Variants in TRAPPC9 observed in about 807,000 individuals in gnomAD.
The protein encoded by TRAPPC9 is trafficking protein particle complex subunit 9, also known as IKK2 binding protein.
In TRAPPC9, 83 loss-of-function variants were observed where a neutral mutation model predicts 124.0. The observed-to-expected ratio is 0.67, with a 90% CI of 0.56 to 0.80. The LOEUF (loss-of-function observed/expected upper bound fraction) is 0.80. Ranked by LOEUF, TRAPPC9 falls within the 30% of genes least tolerant of loss-of-function variation. The pLI, the probability that TRAPPC9 is intolerant of heterozygous loss-of-function variation, is 0.00. For synonymous variants in TRAPPC9, 638 were observed against 617.5 expected (o/e 1.03, Z -0.49); for missense variants, 1,302 against 1,508.3 (o/e 0.86, Z 2.27).
chr8:140,334,695 C>G (rs943113522), intron 9 of TRAPPC9, among the ~76,000 whole-genome samples: 1 of 150,494 alleles, frequency 6.6e-6, no homozygotes, highest in African/African-American at 2.4e-5. Context: ...ATAAGTTCCA[C>G]ATGTATTGAC....
At chr8:140,347,851 A>T (rs2067398824) in intron 9 of TRAPPC9, among the ~76,000 whole-genome samples, 1 of 152,210 alleles carries the variant, frequency 6.6e-6, no homozygotes, top group Non-Finnish European at 1.5e-5. Context: ...GCTGTCTCAT[A>T]ATTTTCCAGG....
chr8:140,408,139 C>T (rs190699220), intron 5 of TRAPPC9, among the ~76,000 whole-genome samples: 1 of 152,150 alleles, frequency 6.6e-6, no homozygotes, highest in East Asian at 1.9e-4. Flanking sequence ...TGTGACAGCC[C>T]GTATGAGATG....
intron 21 of TRAPPC9, among the ~76,000 whole-genome samples, chr8:139,805,647 A>C (rs925194929): frequency 6.6e-6 from 1 of 152,204 alleles, no homozygotes; most frequent in African/African-American, 2.4e-5. Context: ...TTGACATATA[A>C]AACCTTTCAA....
intron 15 of TRAPPC9, among the ~76,000 whole-genome samples, chr8:140,255,954 T>C (rs886710279): frequency 6.6e-6 from 1 of 152,146 alleles, no homozygotes; most frequent in Admixed American, 6.5e-5. Context: ...AAATGGAGAA[T>C]TGGAGGAAAG....
At chr8:140,154,134 T>C (rs2061592394) in intron 17 of TRAPPC9, among the ~76,000 whole-genome samples, 1 of 152,126 alleles carries the variant, frequency 6.6e-6, no homozygotes, top group African/African-American at 2.4e-5. Flanking sequence ...CTACCTTACC[T>C]CTGCCAATAA....
At chr8:140,195,273 C>A (rs1488874407) in intron 17 of TRAPPC9, among the ~76,000 whole-genome samples, 3 of 152,030 alleles carry the variant, frequency 2.0e-5, no homozygotes, top group African/African-American at 7.3e-5. Context: ...ATCCATCATA[C>A]AGATCACACC....
chr8:140,144,379 T>C (rs1337991865), intron 17 of TRAPPC9, among the ~76,000 whole-genome samples: 2 of 152,264 alleles, frequency 1.3e-5, no homozygotes, highest in African/African-American at 4.8e-5. Context: ...TTTCTTAATA[T>C]TCTTCATAAA....
intron 17 of TRAPPC9, among the ~76,000 whole-genome samples, chr8:140,160,225 G>A (rs1456285400): frequency 1.3e-5 from 2 of 152,244 alleles, no homozygotes; most frequent in Non-Finnish European, 2.9e-5. Context: ...AACCATTGGT[G>A]AAGACAGTGT....
At chr8:139,885,798 CA>C (rs1829969174) in intron 21 of TRAPPC9, 80 bp downstream of exon 21, 2 of 1,393,044 alleles carry the variant, frequency 1.4e-6, no homozygotes, top group South Asian at 2.5e-5. Flanking sequence ...TGCCCAGCCA[CA>C]CCCCCCAAGA....
intron 21 of TRAPPC9, among the ~76,000 whole-genome samples, chr8:139,849,787 G>C (rs1444428046): frequency 6.6e-6 from 1 of 152,192 alleles, no homozygotes; most frequent in Non-Finnish European, 1.5e-5. Context: ...AGGATGAGAT[G>C]GTCAGGAGGT....
intron 18 of TRAPPC9, among the ~76,000 whole-genome samples, chr8:140,014,184 G>A (rs1839315590): frequency 6.6e-6 from 1 of 152,100 alleles, no homozygotes; most frequent in African/African-American, 2.4e-5. Context: ...TCAGAGGAGT[G>A]TATTTTCCAC....
chr8:139,926,608 A>AAT (rs1491348700), intron 19 of TRAPPC9, among the ~76,000 whole-genome samples: 4 of 36,576 alleles, frequency 1.1e-4, no homozygotes, highest in Admixed American at 1.9e-4. Flanking sequence ...GAATTAAAAT[A>AAT]AAAAAAAAAA....
rs149417790 is a variant in TRAPPC9 at position 140,118,873 on chromosome 8, C to T, written c.2557-94794G>A. 6.5e-3 allele frequency among the ~76,000 whole-genome samples: 987 copies of T among 152,320 alleles called. 10 individuals carry two copies. The highest frequency in any genetic ancestry group is 0.021 in the African/African-American group (860 of 41,564). ...GGCTGGTTCTGAGGACTCTCCAGCC[C>T]GGGTCCCACCTGCGGCCTGGCCCTG... On this transcript the variant is annotated intron_variant, in intron 17 of 22. Transcript: ENST00000438773.
chr8:140,095,716 G>A (rs1043936385), intron 17 of TRAPPC9: 1 of 152,374 alleles, frequency 6.6e-6, no homozygotes, highest in Non-Finnish European at 1.5e-5. Context: ...TAGAGGGACT[G>A]AGAAGAGGGT....
At chr8:139,958,390 T>C (rs2131546678) in intron 19 of TRAPPC9, among the ~76,000 whole-genome samples, 2 of 152,248 alleles carry the variant, frequency 1.3e-5, no homozygotes, top group African/African-American at 4.8e-5. Context: ...AGCTCTGAGC[T>C]CAGATGTCTC....
At chr8:140,243,771 G>C (rs1205058137) in intron 16 of TRAPPC9, among the ~76,000 whole-genome samples, 1 of 152,240 alleles carries the variant, frequency 6.6e-6, no homozygotes, top group Non-Finnish European at 1.5e-5. Flanking sequence ...CCAGAATTGT[G>C]ACATTCACTT....
chr8:139,746,698 G>A (rs1818917907), intron 21 of TRAPPC9, among the ~76,000 whole-genome samples: 1 of 152,190 alleles, frequency 6.6e-6, no homozygotes. Context: ...GGAATTTGGG[G>A]CTGTTTGTTA....
Position 140,239,662 on chromosome 8 carries a change from C to G in TRAPPC9, c.2431+13115G>C, listed in dbSNP as rs1364203239. Among the ~76,000 whole-genome samples the G allele has an allele frequency of 2.6e-5, 4 of 152,212 alleles. No homozygotes were observed. The East Asian group carries it at 7.7e-4, about 29-fold the overall frequency. On this transcript the variant is annotated intron_variant, in intron 16 of 22. Transcript: ENST00000438773. ...ACCTACACCAACACACCGTGCACTCCGCCAGGTCCTCTGCTCTCGCCAGCC... is the reference window on the plus strand; with the variant it reads ...ACCTACACCAACACACCGTGCACTCGGCCAGGTCCTCTGCTCTCGCCAGCC...
intron 1 of TRAPPC9, among the ~76,000 whole-genome samples, chr8:140,456,088 A>G (rs2071652670): frequency 6.6e-6 from 1 of 152,114 alleles, no homozygotes; most frequent in Non-Finnish European, 1.5e-5. Context: ...TGGAATGACA[A>G]TGGTAACACA....
Sources: allele counts gnomAD v4.1 joint callset (sites outside exome capture counted in the v4.1 genomes callset), GRCh38; gene constraint gnomAD v4.1.1; transcripts MANE v1.5; gene names NCBI Gene and HGNC (gene_info 2026-07-23, HGNC 2026-07-21).